ANO1: variants seen among roughly 807,000 people sequenced by gnomAD.
ANO1 encodes anoctamin-1.
A neutral mutation model predicts 124.0 loss-of-function variants in ANO1; 59 were observed. The observed-to-expected ratio is 0.48, with a 90% confidence interval of 0.39 to 0.59. ANO1 has a LOEUF of 0.59. Ranked by LOEUF, ANO1 falls within the 20% of genes least tolerant of loss-of-function variation. The pLI is 0.00. For synonymous variants in ANO1, 529 were observed against 532.0 expected, an observed-to-expected ratio of 0.99 and a Z score of 0.08; for missense variants, 1,059 against 1,328.0, an observed-to-expected ratio of 0.80 and a Z score of 3.15.
intron 11 of ANO1, among the ~76,000 whole-genome samples, chr11:70,148,824 C>A (rs1179875870): frequency 6.6e-6 from 1 of 152,220 alleles, no homozygotes; most frequent in South Asian, 2.1e-4. Context: ...GCCTCACATA[C>A]AAGTCACGGG....
intron 1 of ANO1, among the ~76,000 whole-genome samples, chr11:70,029,006 T>C (rs1856955884): frequency 6.6e-6 from 1 of 152,180 alleles, no homozygotes; most frequent in Non-Finnish European, 1.5e-5. Context: ...GCTCTCGAAC[T>C]CCTGACCTCA....
At chr11:70,160,834 A>G (rs1326812193) in intron 16 of ANO1, among the ~76,000 whole-genome samples, 1 of 152,236 alleles carries the variant, frequency 6.6e-6, no homozygotes, top group African/African-American at 2.4e-5. Context: ...AGATGGTAGC[A>G]CAAAGATCTT....
At chr11:70,007,171 G>A (rs1487439420) in intron 1 of ANO1, among the ~76,000 whole-genome samples, 3 of 151,856 alleles carry the variant, frequency 2.0e-5, no homozygotes, top group African/African-American at 4.8e-5. Flanking sequence ...CATATGAGTG[G>A]AATCCAACAG....
upstream of ANO1, among the ~76,000 whole-genome samples, chr11:69,981,176 A>G (rs1307995997): frequency 1.3e-5 from 2 of 152,222 alleles, no homozygotes; most frequent in East Asian, 1.9e-4. Context: ...TGGAGCTTGG[A>G]AGACTGGCAT....
the ANO1 span, among the ~76,000 whole-genome samples, chr11:69,979,508 G>A: frequency 1.2e-4 from 19 of 152,248 alleles, no homozygotes; most frequent in East Asian, 3.9e-4. Flanking sequence ...TACTTCATAC[G>A]AATGAGACAA....
At chr11:70,157,373 A>T (rs1489362549) in intron 16 of ANO1, among the ~76,000 whole-genome samples, 2 of 151,110 alleles carry the variant, frequency 1.3e-5, no homozygotes, top group Non-Finnish European at 3.0e-5. Flanking sequence ...TCTCAAAAAA[A>T]AAAAAAAAAA....
chr11:70,031,956 C>G (rs552340325), intron 1 of ANO1, among the ~76,000 whole-genome samples: 3 of 152,204 alleles, frequency 2.0e-5, no homozygotes, highest in Non-Finnish European at 2.9e-5. Flanking sequence ...CCCAACCCCC[C>G]CTCCTCACGG....
At chr11:70,054,214 C>T (rs1468823633) in intron 1 of ANO1, among the ~76,000 whole-genome samples, 1 of 152,232 alleles carries the variant, frequency 6.6e-6, no homozygotes, top group African/African-American at 2.4e-5. Context: ...CCACACACCC[C>T]TTCCGAGACC....
chr11:70,096,886 A>C (rs932080961), intron 2 of ANO1, among the ~76,000 whole-genome samples: 4 of 151,956 alleles, frequency 2.6e-5, no homozygotes, highest in African/African-American at 7.2e-5. Flanking sequence ...TAATAATAAT[A>C]ATCAAGGGGT....
Position 70,112,827 on chromosome 11 carries a change from G to A in ANO1, c.855+1065G>A, listed in dbSNP as rs2045839806. ...ACCCACCTCAGCCTCCCAAAGTGCT[G>A]GGATTACAGGCGTGAGCCACCGTGC... On this transcript the variant is annotated intron_variant, in intron 7 of 25. Coordinates refer to ENST00000355303, the MANE Select transcript of ANO1 (RefSeq NM_018043.7). Among the ~76,000 whole-genome samples the A allele has an allele frequency of 3.9e-5, 6 of 152,240 alleles. No homozygotes were observed. In the South Asian group the frequency reaches 1.2e-3, roughly 32 times the overall value.
chr11:69,969,448 G>A, the ANO1 span, among the ~76,000 whole-genome samples: 163 of 152,272 alleles, frequency 1.1e-3, 1 homozygote, highest in Middle Eastern at 3.4e-3. Flanking sequence ...GGAGTCAAGC[G>A]GCTGTGCTTT....
chr11:70,165,322 A>G (rs1315870647), intron 19 of ANO1, 148 bp from the exon 20 acceptor site: 10 of 667,546 alleles, frequency 1.5e-5, no homozygotes, highest in Non-Finnish European at 2.6e-5. Context: ...AAATAAGGCC[A>G]CGTTCCCAGG....
chr11:70,036,466 G>T (rs1437026282), intron 1 of ANO1, among the ~76,000 whole-genome samples: 2 of 152,074 alleles, frequency 1.3e-5, no homozygotes, highest in East Asian at 3.9e-4. Context: ...GTTTTCTGGG[G>T]TACTGCTCAG....
At chr11:70,156,871 A>G (rs753054931) in intron 15 of ANO1, 76 bp from the exon 16 acceptor site, 67 of 1,380,224 alleles carry the variant, frequency 4.9e-5, no homozygotes, top group African/African-American at 7.1e-5. Flanking sequence ...ACGCACGCAC[A>G]TGCACCCACG....
intron 24 of ANO1, among the ~76,000 whole-genome samples, chr11:70,183,740 T>C (rs1472543207): frequency 6.6e-6 from 1 of 152,030 alleles, no homozygotes; most frequent in African/African-American, 2.4e-5. Context: ...ATCTCAGGAG[T>C]TGGCAGCTCA....
At chr11:69,973,201 G>A in the ANO1 span, among the ~76,000 whole-genome samples, 407 of 152,188 alleles carry the variant, frequency 2.7e-3, no homozygotes, top group African/African-American at 9.2e-3. Flanking sequence ...GAGCCACCGC[G>A]CCCAGCTCTG....
chr11:70,095,303 A>AAAGAAAGAAGGAAGGAAGGAAGGAAG (rs1565193330), intron 2 of ANO1, among the ~76,000 whole-genome samples: 1 of 36,732 alleles, frequency 2.7e-5, no homozygotes, highest in Non-Finnish European at 5.6e-5. Flanking sequence ...AAGGAAGGAA[A>AAAGAAAGAAGGAAGGAAGGAAGGAAG]GAAAGAAAGA....
At chr11:70,041,668 G>A (rs1467705670) in intron 1 of ANO1, among the ~76,000 whole-genome samples, 1 of 151,880 alleles carries the variant, frequency 6.6e-6, no homozygotes. Context: ...GATAGCTGCT[G>A]TAATCCCCAG....
In ANO1 at chr11:70,187,883, C is replaced by A. The variant is rs779497471; in HGVS notation, c.2840C>A (p.Thr947Asn). 4 of 1,604,262 alleles carry A rather than the reference C, an allele frequency of 2.5e-6. No homozygotes were observed. In the South Asian group the frequency reaches 4.5e-5, roughly 18 times the overall value. Reference protein sequence around the residue: ...EEQDKQQLLETWMEKERQKDE... With the variant: ...EEQDKQQLLENWMEKERQKDE... ...CAAGACAAGCAGCAGCTGCTGGAAACCTGGATGGAGAAGGAGCGGCAGAAG... is the reference window on the plus strand; with the variant it reads ...CAAGACAAGCAGCAGCTGCTGGAAAACTGGATGGAGAAGGAGCGGCAGAAG... Residue 947 changes from threonine (T) to asparagine (N), a missense_variant, in exon 26 of 26, where the codon ACC becomes AAC. Coordinates refer to ENST00000355303, the MANE Select transcript of ANO1 (RefSeq NM_018043.7).
Sources: allele counts gnomAD v4.1 joint callset (sites outside exome capture counted in the v4.1 genomes callset), GRCh38; gene constraint gnomAD v4.1.1; transcripts MANE v1.5; gene names NCBI Gene and HGNC (gene_info 2026-07-23, HGNC 2026-07-21).